Variants in ADK observed in about 807,000 individuals in gnomAD.
The protein encoded by ADK is adenosine kinase, also known as N6,N6-dimethyladenosine kinase.
A neutral mutation model predicts 44.7 loss-of-function variants in ADK; 24 were observed. The ratio of observed to expected loss-of-function variants is 0.54; its 90% confidence interval spans 0.39 to 0.76. The LOEUF is 0.76. Among genes scored for constraint, ADK ranks in the 30% least tolerant of loss-of-function variants. ADK has a pLI of 0.00. For missense variants in ADK, 321 were observed against 425.1 expected (o/e 0.76, Z 2.15); for synonymous variants, 128 against 142.6 (o/e 0.90, Z 0.73).
rs573254313 is a variant in ADK, at chr10:74,317,784, G to T, written c.273+3039G>T. Among the ~76,000 whole-genome samples, 47 of 151,962 alleles carry T rather than the reference G, an allele frequency of 3.1e-4. No individual in the cohort carries two copies. In the South Asian group the frequency reaches 7.3e-3, roughly 23 times the overall value. ...TTTTTATGCTGTTTCTGGTTTTTTTGTTTGTTTGTTTGTTTCAAGACGGAG... is the reference window on the plus strand; with the variant it reads ...TTTTTATGCTGTTTCTGGTTTTTTTTTTTGTTTGTTTGTTTCAAGACGGAG... On this transcript the variant is annotated intron_variant, in intron 4 of 10. Transcript: ENST00000539909.
intron 1 of ADK, among the ~76,000 whole-genome samples, chr10:74,195,113 T>A (rs1220368348): frequency 5.4e-5 from 8 of 148,670 alleles, no homozygotes; most frequent in Admixed American, 3.3e-4. Context: ...TTGTTCAGAA[T>A]CTCTCATCCT....
intron 3 of ADK, among the ~76,000 whole-genome samples, chr10:74,251,894 CT>C (rs566363104): frequency 0.11 from 10,764 of 98,556 alleles, 199 homozygotes; most frequent in Middle Eastern, 0.22. Context: ...GTGGCAGATA[CT>C]TTTTTTTTTT....
intron 2 of ADK, among the ~76,000 whole-genome samples, chr10:74,210,367 T>G (rs193175252): frequency 2.7e-4 from 40 of 150,532 alleles, no homozygotes; most frequent in African/African-American, 9.2e-4. Context: ...AATACTCAGT[T>G]TTATGACAGG....
chr10:74,611,159 G>C (rs543409828), intron 9 of ADK, among the ~76,000 whole-genome samples: 2 of 151,776 alleles, frequency 1.3e-5, no homozygotes, highest in African/African-American at 4.9e-5. Context: ...AAGTAGCCGG[G>C]ACTACAGGTG....
chr10:74,549,127 G>A (rs373643888), intron 7 of ADK, among the ~76,000 whole-genome samples: 19 of 152,128 alleles, frequency 1.2e-4, no homozygotes, highest in African/African-American at 2.2e-4. Context: ...CAATTATAGC[G>A]TACAACTTAT....
intron 6 of ADK, among the ~76,000 whole-genome samples, chr10:74,524,203 G>A (rs1170974600): frequency 6.6e-6 from 1 of 151,992 alleles, no homozygotes; most frequent in Non-Finnish European, 1.5e-5. Flanking sequence ...TATTAAAGCT[G>A]TACATAAATA....
At chr10:74,503,155 C>T (rs754860899) in intron 6 of ADK, among the ~76,000 whole-genome samples, 1 of 152,124 alleles carries the variant, frequency 6.6e-6, no homozygotes, top group African/African-American at 2.4e-5. Context: ...GCAACAGATA[C>T]CATGTGGCCT....
chr10:74,649,179 C>T (rs1854164324), intron 9 of ADK, among the ~76,000 whole-genome samples: 1 of 152,060 alleles, frequency 6.6e-6, no homozygotes, highest in Admixed American at 6.5e-5. Context: ...CACTACTGCA[C>T]TCCAGCCTGG....
intron 2 of ADK, among the ~76,000 whole-genome samples, chr10:74,209,571 G>T (rs1173078118): frequency 6.6e-6 from 1 of 151,858 alleles, no homozygotes; most frequent in Non-Finnish European, 1.5e-5. Context: ...GTGAAAGTGA[G>T]TTCTAATTGT....
intron 3 of ADK, among the ~76,000 whole-genome samples, chr10:74,295,758 TA>T (rs35788249): frequency 0.65 from 97,362 of 150,840 alleles, 32,653 homozygotes; most frequent in Middle Eastern, 0.8. Flanking sequence ...AATGTTCCAT[TA>T]AAAAAAAAAT....
chr10:74,639,026 C>G (rs772780727), intron 9 of ADK, among the ~76,000 whole-genome samples: 2 of 152,088 alleles, frequency 1.3e-5, no homozygotes, highest in Non-Finnish European at 2.9e-5. Context: ...CCAGGCTGGT[C>G]TTGAACTACT....
intron 4 of ADK, among the ~76,000 whole-genome samples, chr10:74,335,080 G>A (rs2099120600): frequency 6.6e-6 from 1 of 152,044 alleles, no homozygotes. Context: ...AGAATCTTTT[G>A]TTGGGGGTTC....
intron 7 of ADK, chr10:74,527,820 G>A: frequency 2.2e-6 from 3 of 1,334,588 alleles, no homozygotes; most frequent in Non-Finnish European, 3.2e-6. Context: ...TTAATAGAGT[G>A]GCCCTCTTGC....
chr10:74,526,956 T>TA (rs1356289748), intron 7 of ADK, among the ~76,000 whole-genome samples: 4 of 152,268 alleles, frequency 2.6e-5, no homozygotes, highest in African/African-American at 9.6e-5. Flanking sequence ...TGGGAGAAGT[T>TA]AACATTTGGT....
intron 10 of ADK, among the ~76,000 whole-genome samples, chr10:74,698,698 A>T (rs1856296057): frequency 6.6e-6 from 1 of 151,936 alleles, no homozygotes; most frequent in African/African-American, 2.4e-5. Flanking sequence ...CTGAGACTAC[A>T]TGTATGTACC....
At chr10:74,298,712 G>T (rs1839899733) in intron 3 of ADK, among the ~76,000 whole-genome samples, 1 of 152,048 alleles carries the variant, frequency 6.6e-6, no homozygotes, top group Non-Finnish European at 1.5e-5. Context: ...TTTAAATTCA[G>T]CCTGGACAAA....
At chr10:74,184,042 C>T (rs12573068) in intron 1 of ADK, among the ~76,000 whole-genome samples, 3,022 of 152,014 alleles carry the variant, frequency 0.02, 46 homozygotes, top group Middle Eastern at 0.027. Context: ...CTCAGCCTCC[C>T]GAGTAGCTGG....
chr10:74,218,261 G>A (rs1844143878), intron 2 of ADK, among the ~76,000 whole-genome samples: 1 of 152,182 alleles, frequency 6.6e-6, no homozygotes, highest in Admixed American at 6.5e-5. Context: ...CTGGAAGAAA[G>A]GGTATCAGCA....
At chr10:74,165,883 A>G (rs1842021237) in intron 1 of ADK, among the ~76,000 whole-genome samples, 1 of 152,188 alleles carries the variant, frequency 6.6e-6, no homozygotes, top group Admixed American at 6.5e-5. Flanking sequence ...TGTGGGATCT[A>G]CTTAGTGGTA....
Sources: allele counts gnomAD v4.1 joint callset (sites outside exome capture counted in the v4.1 genomes callset), GRCh38; gene constraint gnomAD v4.1.1; transcripts MANE v1.5; gene names NCBI Gene and HGNC (gene_info 2026-07-23, HGNC 2026-07-21).